Variants in CNTNAP5 observed in about 807,000 individuals in gnomAD.
CNTNAP5 encodes contactin associated protein family member 5, also known as contactin-associated protein-like 5.
A neutral mutation model predicts 150.2 loss-of-function variants in CNTNAP5; 72 were observed. That is an observed-to-expected ratio of 0.48 (90% CI 0.40 to 0.58). The LOEUF is 0.58. Ranked by LOEUF, CNTNAP5 falls within the 20% of genes least tolerant of loss-of-function variation. The probability of loss-of-function intolerance (pLI) is 0.00; values close to 1 mark genes in which losing one functional copy is unlikely to be tolerated. For synonymous variants in CNTNAP5, 672 were observed against 619.8 expected (o/e 1.08, Z -1.25); for missense variants, 1,636 against 1,626.2 (o/e 1.01, Z -0.10).
rs577433546 is a variant in CNTNAP5 at position 124,439,554 on chromosome 2, G to A, written c.733+4867G>A. 2.0e-4 allele frequency among the ~76,000 whole-genome samples: 31 copies of A among 152,318 alleles called. No homozygotes were observed. The South Asian group carries it at 4.3e-3, about 21-fold the overall frequency. ...GAGCAACAACTCCTAAATCTGGAGA[G>A]TGTTTTTAGTCAATACAATCTAGAA... is the stretch of plus-strand genomic sequence containing the variant. On this transcript the variant is annotated intron_variant, in intron 5 of 23. Coordinates refer to ENST00000682447, the MANE Select transcript of CNTNAP5 (RefSeq NM_001367498.1).
intron 3 of CNTNAP5, among the ~76,000 whole-genome samples, chr2:124,254,530 T>C (rs1392244242): frequency 2.0e-5 from 3 of 152,184 alleles, no homozygotes; most frequent in Non-Finnish European, 4.4e-5. Flanking sequence ...CTAAGTAACA[T>C]GACAGAAAAT....
chr2:124,630,426 A>AATCAATAAATGTAATTC (rs1677828198), intron 12 of CNTNAP5, among the ~76,000 whole-genome samples: 2 of 152,174 alleles, frequency 1.3e-5, no homozygotes, highest in Admixed American at 6.5e-5. Context: ...AACATACACA[A>AATCAATAAATGTAATTC]ATCAATAAAT....
chr2:124,324,040 C>T (rs1437795068), intron 3 of CNTNAP5, among the ~76,000 whole-genome samples: 1 of 152,114 alleles, frequency 6.6e-6, no homozygotes, highest in Non-Finnish European at 1.5e-5. Flanking sequence ...GCCAAAAATA[C>T]ATTCATTAAT....
At chr2:124,261,184 C>T (rs765511876) in intron 3 of CNTNAP5, among the ~76,000 whole-genome samples, 2 of 152,106 alleles carry the variant, frequency 1.3e-5, no homozygotes, top group Non-Finnish European at 2.9e-5. Flanking sequence ...TCTGCTAATT[C>T]AGTGAATCTT....
intron 1 of CNTNAP5, among the ~76,000 whole-genome samples, chr2:124,110,964 C>CCT (rs1683282823): frequency 6.6e-6 from 1 of 152,086 alleles, no homozygotes; most frequent in Non-Finnish European, 1.5e-5. Flanking sequence ...AAGTGAGGCT[C>CCT]CTCTGATCTC....
At chr2:124,122,911 T>C (rs1293291819) in intron 1 of CNTNAP5, among the ~76,000 whole-genome samples, 2 of 151,924 alleles carry the variant, frequency 1.3e-5, no homozygotes, top group African/African-American at 4.8e-5. Context: ...TGTATATATA[T>C]ATATATCTCA....
intron 7 of CNTNAP5, among the ~76,000 whole-genome samples, chr2:124,487,840 T>C (rs1693925222): frequency 6.6e-6 from 1 of 152,092 alleles, no homozygotes; most frequent in Admixed American, 6.6e-5. Flanking sequence ...ATGCTTATAC[T>C]AGGATTTGAC....
chr2:124,040,105 G>T (rs1237377932), intron 1 of CNTNAP5, among the ~76,000 whole-genome samples: 1 of 152,314 alleles, frequency 6.6e-6, no homozygotes, highest in East Asian at 1.9e-4. Flanking sequence ...ATCAAATGCT[G>T]TTGGGAGGTG....
intron 3 of CNTNAP5, among the ~76,000 whole-genome samples, chr2:124,341,499 G>C (rs1426968547): frequency 1.3e-5 from 2 of 152,146 alleles, no homozygotes; most frequent in African/African-American, 4.8e-5. Flanking sequence ...TAATGGAATG[G>C]CAAAGAATCT....
At chr2:124,490,612 G>T (rs370963303) in intron 7 of CNTNAP5, among the ~76,000 whole-genome samples, 1 of 151,956 alleles carries the variant, frequency 6.6e-6, no homozygotes, top group Non-Finnish European at 1.5e-5. Flanking sequence ...TTATAATGAT[G>T]CACTAGATTT....
intron 1 of CNTNAP5, among the ~76,000 whole-genome samples, chr2:124,087,258 T>C (rs1319558859): frequency 6.6e-6 from 1 of 151,862 alleles, no homozygotes; most frequent in African/African-American, 2.4e-5. Context: ...TCTACCCACA[T>C]TTTTTGTTTA....
At chr2:124,231,765 C>T (rs1236563028) in intron 2 of CNTNAP5, among the ~76,000 whole-genome samples, 1 of 152,108 alleles carries the variant, frequency 6.6e-6, no homozygotes, top group Admixed American at 6.6e-5. Flanking sequence ...AGATACAGGA[C>T]AGAAACCTTC....
At chr2:124,695,619 T>G (rs1679389489) in intron 13 of CNTNAP5, among the ~76,000 whole-genome samples, 1 of 152,130 alleles carries the variant, frequency 6.6e-6, no homozygotes. Context: ...TCTTCCAAAC[T>G]TAAGTGGGAT....
chr2:124,568,004 A>G (rs907265226), intron 11 of CNTNAP5, among the ~76,000 whole-genome samples: 1 of 152,204 alleles, frequency 6.6e-6, no homozygotes, highest in Non-Finnish European at 1.5e-5. Context: ...AAGGTCTCAT[A>G]TCTAGTAAAT....
intron 3 of CNTNAP5, 91 bp from the exon 4 acceptor site, chr2:124,417,352 C>A: frequency 1.5e-6 from 2 of 1,326,114 alleles, no homozygotes; most frequent in Non-Finnish European, 2.1e-6. Flanking sequence ...TAGGTATGTT[C>A]TCAGTACGAG....
chr2:124,136,914 T>G (rs1259513542), intron 1 of CNTNAP5, among the ~76,000 whole-genome samples: 1 of 152,236 alleles, frequency 6.6e-6, no homozygotes, highest in Non-Finnish European at 1.5e-5. Context: ...TATGCAGTCT[T>G]GTCTTTTTGG....
chr2:124,749,604 C>T (rs141091397), intron 14 of CNTNAP5, among the ~76,000 whole-genome samples: 63 of 152,078 alleles, frequency 4.1e-4, no homozygotes, highest in East Asian at 1.6e-3. Flanking sequence ...TTAGTACAGA[C>T]GGGGTTTCTC....
In CNTNAP5 at chr2:124,511,632, T is replaced by C. The variant is rs572024716; in HGVS notation, c.1327+7076T>C. On this transcript the variant is annotated intron_variant, in intron 8 of 23. Coordinates refer to ENST00000682447, the MANE Select transcript of CNTNAP5 (RefSeq NM_001367498.1). ...TTCATGATTTCTTGAGAGAAAACAATAGGCCAACCCACCCCTTATTATCTT... is the reference window on the plus strand; with the variant it reads ...TTCATGATTTCTTGAGAGAAAACAACAGGCCAACCCACCCCTTATTATCTT... 2.6e-5 allele frequency among the ~76,000 whole-genome samples: 4 copies of C among 152,270 alleles called. No individual in the cohort carries two copies. In the East Asian group the frequency reaches 7.7e-4, roughly 29 times the overall value.
chr2:124,655,945 G>GAGAGAAAGAAAGAAAGAAAGAAAGAA (rs1553427800), intron 13 of CNTNAP5, among the ~76,000 whole-genome samples: 38 of 55,488 alleles, frequency 6.8e-4, no homozygotes, highest in Non-Finnish European at 1.0e-3. Context: ...GAGAGAGAGA[G>GAGAGAAAGAAAGAAAGAAAGAAAGAA]AGAAAGAAAG....
Sources: gnomAD v4.1 joint callset for allele counts (sites outside exome capture counted in the v4.1 genomes callset) on GRCh38, gnomAD v4.1.1 for gene constraint, MANE v1.5 for transcripts, NCBI Gene and HGNC (gene_info 2026-07-23, HGNC 2026-07-21) for gene names.